PTPRE: variants seen among roughly 807,000 people sequenced by gnomAD.
The protein encoded by PTPRE is receptor-type tyrosine-protein phosphatase epsilon.
Under a neutral mutation model 102.0 loss-of-function variants are expected in PTPRE, and 51 were observed. The ratio of observed to expected loss-of-function variants is 0.50; its 90% CI spans 0.40 to 0.63. PTPRE has a LOEUF of 0.63. Among genes scored for constraint, PTPRE ranks in the 30% least tolerant of loss-of-function variants. PTPRE has a pLI of 0.00. For synonymous variants in PTPRE, 345 were observed against 348.2 expected, an observed-to-expected ratio of 0.99 and a Z score of 0.10; for missense variants, 752 against 915.1, an observed-to-expected ratio of 0.82 and a Z score of 2.30.
At chr10:128,038,114 A>C (rs1046967306) in intron 2 of PTPRE, among the ~76,000 whole-genome samples, 1 of 152,076 alleles carries the variant, frequency 6.6e-6, no homozygotes, top group African/African-American at 2.4e-5. Context: ...CATGATTTTA[A>C]TCACTGTTTC....
chr10:128,052,824 C>T (rs1848656982), intron 6 of PTPRE, among the ~76,000 whole-genome samples: 1 of 152,204 alleles, frequency 6.6e-6, no homozygotes, highest in African/African-American at 2.4e-5. Context: ...AGAACCATTC[C>T]CTGGAGCTCC....
intron 1 of PTPRE, among the ~76,000 whole-genome samples, chr10:127,969,161 G>T (rs759025763): frequency 2.0e-5 from 3 of 152,178 alleles, no homozygotes; most frequent in Non-Finnish European, 2.9e-5. Context: ...GAAGGCGAAC[G>T]CCATGGAGCT....
At chr10:127,983,792 A>G (rs1457290885) in intron 2 of PTPRE, among the ~76,000 whole-genome samples, 3 of 151,962 alleles carry the variant, frequency 2.0e-5, no homozygotes, top group African/African-American at 4.8e-5. Flanking sequence ...AAAATTTCCT[A>G]TTCCTCCCAG....
At chr10:127,975,770 A>T (rs773751074) in intron 1 of PTPRE, among the ~76,000 whole-genome samples, 8 of 152,218 alleles carry the variant, frequency 5.3e-5, no homozygotes, top group Non-Finnish European at 7.3e-5. Context: ...TCCTGAATAC[A>T]TTTCAGAGTC....
At chr10:127,945,438 T>C (rs957762042) in intron 1 of PTPRE, among the ~76,000 whole-genome samples, 5 of 152,240 alleles carry the variant, frequency 3.3e-5, no homozygotes, top group Non-Finnish European at 7.3e-5. Flanking sequence ...TGTGTCTTAC[T>C]GTCTGCTCTG....
intron 4 of PTPRE, 119 bp downstream of exon 4, chr10:128,047,608 C>G: frequency 6.2e-7 from 1 of 1,613,666 alleles, no homozygotes; most frequent in South Asian, 1.1e-5. Flanking sequence ...GTGGCTGGGC[C>G]TGGGAGACAC....
intron 2 of PTPRE, among the ~76,000 whole-genome samples, chr10:127,986,831 G>T (rs1446776638): frequency 6.6e-6 from 1 of 152,250 alleles, no homozygotes; most frequent in African/African-American, 2.4e-5. Flanking sequence ...TATATGCCCC[G>T]GGCCGGCCTT....
At chr10:128,061,137 C>T in intron 8 of PTPRE, 122 bp downstream of exon 8, 2 of 927,910 alleles carry the variant, frequency 2.2e-6, no homozygotes, top group Admixed American at 4.1e-5. Flanking sequence ...GCCACAAGCA[C>T]AAAGGGTACG....
intron 18 of PTPRE, 98 bp from the exon 19 acceptor site, chr10:128,077,519 A>C: frequency 6.9e-7 from 1 of 1,442,368 alleles, no homozygotes; most frequent in South Asian, 1.4e-5. Flanking sequence ...AGGCTCAGGG[A>C]GGGCTCCCAG....
At chr10:127,980,970 G>T (rs148800571) in intron 1 of PTPRE, among the ~76,000 whole-genome samples, 465 of 152,294 alleles carry the variant, frequency 3.1e-3, no homozygotes, top group Non-Finnish European at 4.0e-3. Context: ...ACTGAGCAAG[G>T]TCTCATTCAC....
chr10:128,068,364 G>A (rs1306486773), intron 12 of PTPRE, 78 bp downstream of exon 12: 5 of 1,491,286 alleles, frequency 3.4e-6, no homozygotes, highest in Non-Finnish European at 4.5e-6. Context: ...GGCAATGCCA[G>A]GGGACCAATA....
chr10:127,989,720 T>A (rs1467311360), intron 2 of PTPRE, among the ~76,000 whole-genome samples: 2 of 152,362 alleles, frequency 1.3e-5, no homozygotes, highest in South Asian at 2.1e-4. Context: ...CAGAGAACAT[T>A]AACAAATAAG....
intron 2 of PTPRE, among the ~76,000 whole-genome samples, chr10:127,985,651 A>G (rs1210746290): frequency 6.6e-6 from 1 of 152,208 alleles, no homozygotes; most frequent in Non-Finnish European, 1.5e-5. Flanking sequence ...TATGATCATC[A>G]TCGCAGAATC....
chr10:127,973,363 C>T (rs1589872552), intron 1 of PTPRE, among the ~76,000 whole-genome samples: 1 of 152,146 alleles, frequency 6.6e-6, no homozygotes, highest in African/African-American at 2.4e-5. Flanking sequence ...TTTTCCTCTT[C>T]AAGACAATAT....
Position 128,060,951 on chromosome 10 carries a change from G to C in PTPRE, c.524G>C (p.Arg175Thr). ...YPNILPNDHS[R>T]VILSQLDGIP... is the part of the protein sequence containing the mutation. ...GTTTTTTTTCCAGATGACCATTCTA[G>C]GGTGATTCTGAGCCAACTGGATGGA... Residue 175 changes from arginine (R) to threonine (T), a missense_variant, in exon 8 of 21, where the codon AGG becomes ACG. By Grantham distance (71) the Arg-to-Thr change is moderately conservative. Coordinates refer to ENST00000254667, the MANE Select transcript of PTPRE (RefSeq NM_006504.6). The C allele has an allele frequency of 6.2e-7, 1 of 1,614,052 alleles. No individual in the cohort carries two copies. Among genetic ancestry groups the C allele is most frequent in the Non-Finnish European group, 8.5e-7 (1 of 1,179,966 alleles).
chr10:127,940,212 ACCCAT>A (rs1848140602), intron 1 of PTPRE, among the ~76,000 whole-genome samples: 1 of 152,122 alleles, frequency 6.6e-6, no homozygotes, highest in South Asian at 2.1e-4. Context: ...CATCCTATAC[ACCCAT>A]CCCAGGACCT....
intron 2 of PTPRE, among the ~76,000 whole-genome samples, chr10:127,986,586 C>G (rs1265096293): frequency 6.6e-6 from 1 of 152,244 alleles, no homozygotes; most frequent in African/African-American, 2.4e-5. Flanking sequence ...CTTCCCTTCA[C>G]TCGCTTGTTC....
At chr10:127,962,293 C>T (rs1020803489) in intron 1 of PTPRE, among the ~76,000 whole-genome samples, 15 of 152,180 alleles carry the variant, frequency 9.9e-5, no homozygotes, top group African/African-American at 2.4e-4. Context: ...CTGGCACAGA[C>T]GGCATGTGAG....
chr10:127,948,689 C>A (rs1407988051), intron 1 of PTPRE, among the ~76,000 whole-genome samples: 3 of 152,174 alleles, frequency 2.0e-5, no homozygotes, highest in Non-Finnish European at 2.9e-5. Flanking sequence ...GTTGATAGTT[C>A]ATTTCCTTTT....
Sources: gnomAD v4.1 joint callset for allele counts (sites outside exome capture counted in the v4.1 genomes callset) on GRCh38, gnomAD v4.1.1 for gene constraint, MANE v1.5 for transcripts, NCBI Gene and HGNC (gene_info 2026-07-23, HGNC 2026-07-21) for gene names.